Variants in SRPK2 observed in about 807,000 individuals in gnomAD.
SRPK2 encodes the protein SFRS protein kinase 2.
SRPK2 carries 21 observed loss-of-function variants against 90.8 expected under a neutral mutation model. That is an observed-to-expected ratio of 0.23 (90% CI 0.16 to 0.33). SRPK2 has a LOEUF of 0.33. SRPK2 is among the 10% of genes least tolerant of loss of function. SRPK2 has a pLI of 1.00. For missense variants in SRPK2, 620 were observed against 869.0 expected (o/e 0.71, Z 3.60); for synonymous variants, 288 against 311.1 (o/e 0.93, Z 0.78).
At position 105,382,328 on chromosome 7, in the gene SRPK2, G is replaced by A. The variant is rs139251727; in HGVS notation, c.71+6320C>T. On this transcript the variant is annotated intron_variant, in intron 2 of 15. Transcript: ENST00000393651. ...AGCACTTTGGGATGCCAAGGCGGGT[G>A]GATCACCTGAGGTCAGGAGCTCGAG... 9.8e-3 allele frequency among the ~76,000 whole-genome samples: 1,483 copies of A among 151,788 alleles called. 33 individuals carry two copies. The highest frequency in any genetic ancestry group is 0.034 in the African/African-American group (1,427 of 41,406).
chr7:105,183,995 T>TTTTTTG (rs1793240898), intron 3 of SRPK2, among the ~76,000 whole-genome samples: 1 of 149,244 alleles, frequency 6.7e-6, no homozygotes, highest in African/African-American at 2.5e-5. Flanking sequence ...TTTTTTTTTT[T>TTTTTTG]GAGATGGAGT....
intron 2 of SRPK2, among the ~76,000 whole-genome samples, chr7:105,242,738 C>A (rs1800983691): frequency 6.6e-6 from 1 of 152,094 alleles, no homozygotes; most frequent in Admixed American, 6.5e-5. Flanking sequence ...ACCTCATCTG[C>A]ATTCAAGAGG....
intron 2 of SRPK2, among the ~76,000 whole-genome samples, chr7:105,218,727 T>C (rs1797748829): frequency 6.6e-6 from 1 of 152,132 alleles, no homozygotes; most frequent in East Asian, 1.9e-4. Flanking sequence ...ATATAAATAA[T>C]CATACCACAA....
chr7:105,378,015 C>G (rs560940204), intron 2 of SRPK2, among the ~76,000 whole-genome samples: 1 of 152,124 alleles, frequency 6.6e-6, no homozygotes, highest in South Asian at 2.1e-4. Flanking sequence ...TGAGTGTGTA[C>G]CCCTTAACAG....
At chr7:105,377,730 G>A (rs888282584) in intron 2 of SRPK2, among the ~76,000 whole-genome samples, 1 of 151,898 alleles carries the variant, frequency 6.6e-6, no homozygotes, top group African/African-American at 2.4e-5. Flanking sequence ...AGAAAAGCCT[G>A]GCCAAAGTCA....
At chr7:105,207,399 T>C (rs1453795301) in intron 2 of SRPK2, among the ~76,000 whole-genome samples, 1 of 152,144 alleles carries the variant, frequency 6.6e-6, no homozygotes, top group Non-Finnish European at 1.5e-5. Flanking sequence ...TGACAGGTTA[T>C]CTCACCAAAT....
intron 2 of SRPK2, among the ~76,000 whole-genome samples, chr7:105,383,592 G>T (rs1309962996): frequency 6.8e-6 from 1 of 147,408 alleles, no homozygotes; most frequent in Admixed American, 6.8e-5. Context: ...GGCAATTTTT[G>T]TATTTTTAGT....
chr7:105,138,372 A>C (rs1803202321), intron 11 of SRPK2, among the ~76,000 whole-genome samples: 1 of 152,150 alleles, frequency 6.6e-6, no homozygotes, highest in Non-Finnish European at 1.5e-5. Context: ...GGGGAAAGAG[A>C]AGTAAGCCTG....
intron 2 of SRPK2, among the ~76,000 whole-genome samples, chr7:105,221,475 T>G (rs1317112855): frequency 2.0e-5 from 3 of 152,156 alleles, no homozygotes; most frequent in Non-Finnish European, 4.4e-5. Flanking sequence ...ATGATCTGGT[T>G]TACGAAAGCC....
chr7:105,293,583 C>A (rs1194211871), intron 2 of SRPK2, among the ~76,000 whole-genome samples: 1 of 151,622 alleles, frequency 6.6e-6, no homozygotes, highest in African/African-American at 2.4e-5. Context: ...TCACACTCGG[C>A]TGATTGTTGT....
intron 3 of SRPK2, among the ~76,000 whole-genome samples, chr7:105,192,056 T>C (rs1217335801): frequency 6.6e-6 from 1 of 151,556 alleles, no homozygotes; most frequent in Non-Finnish European, 1.5e-5. Flanking sequence ...TCTGCTTTTT[T>C]TTTTTTTTTT....
At chr7:105,192,461 G>T (rs571772750) in intron 3 of SRPK2, among the ~76,000 whole-genome samples, 1 of 152,178 alleles carries the variant, frequency 6.6e-6, no homozygotes, top group Admixed American at 6.5e-5. Context: ...GGGACATTTG[G>T]GTTGGTTCCA....
At chr7:105,373,416 T>C (rs1819929935) in intron 2 of SRPK2, among the ~76,000 whole-genome samples, 1 of 150,756 alleles carries the variant, frequency 6.6e-6, no homozygotes, top group Non-Finnish European at 1.5e-5. Flanking sequence ...TTTTTTTTTT[T>C]TTTTGAAACA....
At chr7:105,135,953 C>T (rs1032468978) in intron 11 of SRPK2, among the ~76,000 whole-genome samples, 7 of 151,974 alleles carry the variant, frequency 4.6e-5, no homozygotes, top group African/African-American at 9.7e-5. Context: ...TTAGTAGAGA[C>T]GGGGTTTCAC....
chr7:105,288,634 A>G (rs974468608), intron 2 of SRPK2, among the ~76,000 whole-genome samples: 1 of 152,164 alleles, frequency 6.6e-6, no homozygotes, highest in Non-Finnish European at 1.5e-5. Flanking sequence ...ATATAAAAAC[A>G]TATTAATTAA....
intron 7 of SRPK2, among the ~76,000 whole-genome samples, chr7:105,159,448 CAAAAAAAAAAA>C (rs765544583): frequency 1.5e-4 from 5 of 33,140 alleles, no homozygotes; most frequent in East Asian, 5.6e-4. Flanking sequence ...ACTCCGTCTC[CAAAAAAAAAAA>C]AAAAAAAAAA....
At chr7:105,324,714 C>CATGG (rs1813365229) in intron 2 of SRPK2, among the ~76,000 whole-genome samples, 1 of 151,980 alleles carries the variant, frequency 6.6e-6, no homozygotes, top group East Asian at 1.9e-4. Context: ...TGGCAAAACC[C>CATGG]CGTCTCTACT....
chr7:105,185,796 C>T (rs1793501919), intron 3 of SRPK2, among the ~76,000 whole-genome samples: 1 of 152,180 alleles, frequency 6.6e-6, no homozygotes, highest in Admixed American at 6.5e-5. Flanking sequence ...AAAAGTCTAA[C>T]TCATGCACCA....
intron 15 of SRPK2, among the ~76,000 whole-genome samples, chr7:105,122,542 A>G (rs1198187615): frequency 2.0e-5 from 3 of 152,198 alleles, no homozygotes; most frequent in Non-Finnish European, 2.9e-5. Context: ...TACAGCATCA[A>G]AAGAATCTGT....
Sources: allele counts gnomAD v4.1 joint callset (sites outside exome capture counted in the v4.1 genomes callset), GRCh38; gene constraint gnomAD v4.1.1; transcripts MANE v1.5; gene names NCBI Gene and HGNC (gene_info 2026-07-23, HGNC 2026-07-21).